HTR1F: variants seen among roughly 807,000 people sequenced by gnomAD.
The protein encoded by HTR1F is 5-hydroxytryptamine (serotonin) receptor 1F, G protein-coupled.
Under a neutral mutation model 24.0 loss-of-function variants are expected in HTR1F, and 17 were observed. That is an observed-to-expected ratio of 0.71 (90% CI 0.48 to 1.06). The LOEUF (loss-of-function observed/expected upper bound fraction) is 1.06. HTR1F is among the 50% of genes least tolerant of loss of function. The probability of loss-of-function intolerance (pLI) is 0.00; values close to 1 mark genes in which losing one functional copy is unlikely to be tolerated. For synonymous variants in HTR1F, 186 were observed against 156.8 expected (o/e 1.19, Z -1.39); for missense variants, 391 against 427.8 (o/e 0.91, Z 0.76).
At chr3:87,840,943 G>A (rs1704789716) in intron 2 of HTR1F, among the ~76,000 whole-genome samples, 1 of 151,844 alleles carries the variant, frequency 6.6e-6, no homozygotes, top group African/African-American at 2.4e-5. Flanking sequence ...AGTGTGGACG[G>A]GAAAAGGGGA....
At chr3:87,871,143 C>T (rs535739965) in intron 2 of HTR1F, among the ~76,000 whole-genome samples, 2 of 151,908 alleles carry the variant, frequency 1.3e-5, no homozygotes, top group Admixed American at 6.6e-5. Flanking sequence ...CAAGTAAACA[C>T]ATATAGATAG....
chr3:87,920,993 A>C (rs908098024), intron 2 of HTR1F, among the ~76,000 whole-genome samples: 2 of 151,952 alleles, frequency 1.3e-5, no homozygotes, highest in African/African-American at 4.8e-5. Flanking sequence ...TTACTATCTC[A>C]CATATCCCCC....
chr3:87,811,152 A>G (rs1704154052), intron 1 of HTR1F, among the ~76,000 whole-genome samples: 1 of 152,212 alleles, frequency 6.6e-6, no homozygotes, highest in African/African-American at 2.4e-5. Context: ...AAAATTATAT[A>G]TGAACCATAG....
intron 2 of HTR1F, among the ~76,000 whole-genome samples, chr3:87,981,387 G>T (rs1293905145): frequency 6.6e-6 from 1 of 152,060 alleles, no homozygotes; most frequent in Non-Finnish European, 1.5e-5. Context: ...TAAAGACAGG[G>T]TTTCACCGTG....
chr3:87,855,151 T>C (rs1249605673), intron 2 of HTR1F, among the ~76,000 whole-genome samples: 1 of 152,088 alleles, frequency 6.6e-6, no homozygotes, highest in Non-Finnish European at 1.5e-5. Context: ...GCAGTGTACA[T>C]TAGCATCAAC....
intron 2 of HTR1F, among the ~76,000 whole-genome samples, chr3:87,832,223 G>A (rs1275251041): frequency 1.3e-5 from 2 of 151,004 alleles, no homozygotes; most frequent in Non-Finnish European, 1.5e-5. Flanking sequence ...AAAGTACTTC[G>A]TCACTAAATT....
intron 1 of HTR1F, among the ~76,000 whole-genome samples, chr3:87,818,631 T>C (rs1704294717): frequency 6.6e-6 from 1 of 152,182 alleles, no homozygotes; most frequent in Non-Finnish European, 1.5e-5. Flanking sequence ...ACCCCTGTCC[T>C]CTGTTTCCTT....
At chr3:87,863,096 G>T (rs568642544) in intron 2 of HTR1F, among the ~76,000 whole-genome samples, 14 of 152,144 alleles carry the variant, frequency 9.2e-5, no homozygotes, top group Non-Finnish European at 1.9e-4. Context: ...GATTACAGGC[G>T]TGAGCCACTG....
At chr3:87,939,167 G>T (rs1383774255) in intron 2 of HTR1F, among the ~76,000 whole-genome samples, 1 of 152,182 alleles carries the variant, frequency 6.6e-6, no homozygotes, top group Non-Finnish European at 1.5e-5. Context: ...TTATGTGACG[G>T]ATTACATTTA....
chr3:87,971,540 C>G (rs757006863), intron 2 of HTR1F, among the ~76,000 whole-genome samples: 3 of 152,026 alleles, frequency 2.0e-5, no homozygotes, highest in Non-Finnish European at 4.4e-5. Flanking sequence ...GCCTGGGTGA[C>G]AGAATGAGAC....
intron 2 of HTR1F, among the ~76,000 whole-genome samples, chr3:87,941,903 T>C (rs1704577977): frequency 6.6e-6 from 1 of 152,126 alleles, no homozygotes; most frequent in South Asian, 2.1e-4. Context: ...AATTGGAGTA[T>C]TGCAGGGGCT....
intron 1 of HTR1F, among the ~76,000 whole-genome samples, chr3:87,796,559 A>T (rs1283978012): frequency 6.6e-6 from 1 of 152,214 alleles, no homozygotes; most frequent in East Asian, 1.9e-4. Context: ...CAAAATATGG[A>T]TATTGAAGAG....
chr3:87,822,677 C>A (rs1176847502), intron 2 of HTR1F, among the ~76,000 whole-genome samples: 1 of 152,122 alleles, frequency 6.6e-6, no homozygotes, highest in African/African-American at 2.4e-5. Context: ...GCTTATTTTG[C>A]TCAGGTTGCT....
chr3:87,796,520 C>T (rs1402894908), intron 1 of HTR1F, among the ~76,000 whole-genome samples: 4 of 151,832 alleles, frequency 2.6e-5, no homozygotes, highest in African/African-American at 9.7e-5. Flanking sequence ...TTTAAAGGAT[C>T]AAGCTGAGAA....
intron 1 of HTR1F, among the ~76,000 whole-genome samples, chr3:87,803,217 G>A (rs1006130392): frequency 1.4e-4 from 21 of 152,120 alleles, no homozygotes; most frequent in Admixed American, 1.3e-4. Flanking sequence ...GATATCAGAA[G>A]AGAGAAAATA....
chr3:87,860,905 C>T (rs1325261547), intron 2 of HTR1F, among the ~76,000 whole-genome samples: 1 of 152,148 alleles, frequency 6.6e-6, no homozygotes, highest in Non-Finnish European at 1.5e-5. Flanking sequence ...TGCCTGTAAT[C>T]CCAGCACCTT....
intron 2 of HTR1F, among the ~76,000 whole-genome samples, chr3:87,910,509 G>A (rs1469529402): frequency 4.6e-5 from 7 of 151,950 alleles, no homozygotes; most frequent in African/African-American, 9.6e-5. Flanking sequence ...TTAGAGTCCC[G>A]CACAATAATA....
Position 87,991,069 on chromosome 3 carries a change from G to C in HTR1F, c.320G>C (p.Cys107Ser). The C allele has an allele frequency of 6.2e-7, 1 of 1,613,890 alleles. No homozygotes were observed. Among genetic ancestry groups the C allele is most frequent in the Non-Finnish European group, 8.5e-7 (1 of 1,180,010 alleles). The change falls in exon 3 of 3, where the codon TGC becomes TCC. Residue 107 changes from cysteine to serine, a missense_variant. Coordinates refer to ENST00000319595, the MANE Select transcript of HTR1F (RefSeq NM_001322209.2). ...DIWLSVDITC[C>S]TCSILHLSAI... ...TGGCTGAGTGTTGACATTACCTGCT[G>C]CACGTGCTCCATCTTGCATCTCTCA...
chr3:87,948,136 GTATT>G (rs1301136491), intron 2 of HTR1F, among the ~76,000 whole-genome samples: 31 of 152,152 alleles, frequency 2.0e-4, no homozygotes, highest in African/African-American at 6.7e-4. Flanking sequence ...GTAAAATAAA[GTATT>G]TAGCCTTCAA....
Sources: gnomAD v4.1 joint callset for allele counts (sites outside exome capture counted in the v4.1 genomes callset) on GRCh38, gnomAD v4.1.1 for gene constraint, MANE v1.5 for transcripts, NCBI Gene and HGNC (gene_info 2026-07-23, HGNC 2026-07-21) for gene names.